Variants in FHOD3 observed in about 807,000 individuals in gnomAD.
The protein encoded by FHOD3 is FH1/FH2 domain-containing protein 3.
Under a neutral mutation model 173.0 loss-of-function variants are expected in FHOD3, and 90 were observed. The ratio of observed to expected loss-of-function variants is 0.52; its 90% confidence interval spans 0.44 to 0.62. FHOD3 has a LOEUF of 0.62. FHOD3 is among the 20% of genes least tolerant of loss of function. FHOD3 has a pLI of 0.00. For missense variants in FHOD3, 1,945 were observed against 2,034.7 expected (o/e 0.96, Z 0.85); for synonymous variants, 828 against 823.0 (o/e 1.01, Z -0.10).
At chr18:36,318,271 T>C (rs2044226469) in intron 1 of FHOD3, among the ~76,000 whole-genome samples, 1 of 152,234 alleles carries the variant, frequency 6.6e-6, no homozygotes, top group Non-Finnish European at 1.5e-5. Context: ...AGAAAGTCCT[T>C]GGTAGCTTGA....
At chr18:36,333,686 C>T (rs1211129573) in intron 1 of FHOD3, among the ~76,000 whole-genome samples, 1 of 152,190 alleles carries the variant, frequency 6.6e-6, no homozygotes, top group African/African-American at 2.4e-5. Flanking sequence ...TCAGTGGCAC[C>T]TGGGTACTTA....
chr18:36,417,630 T>C (rs2147010054), intron 3 of FHOD3, among the ~76,000 whole-genome samples: 1 of 152,354 alleles, frequency 6.6e-6, no homozygotes, highest in East Asian at 1.9e-4. Flanking sequence ...TATATATATG[T>C]GGCTTTATTT....
intron 3 of FHOD3, among the ~76,000 whole-genome samples, chr18:36,403,819 G>A (rs2048935023): frequency 6.6e-6 from 1 of 152,176 alleles, no homozygotes; most frequent in Non-Finnish European, 1.5e-5. Context: ...AGCCCAGTGG[G>A]ATCTGACTTG....
intron 19 of FHOD3, among the ~76,000 whole-genome samples, chr18:36,727,465 C>A (rs1282506281): frequency 3.3e-5 from 5 of 152,138 alleles, no homozygotes; most frequent in Non-Finnish European, 5.9e-5. Context: ...TGAAGAACAG[C>A]ACTTAAAGCA....
intron 23 of FHOD3, among the ~76,000 whole-genome samples, chr18:36,745,791 C>T (rs866669427): frequency 1.3e-5 from 2 of 149,470 alleles, no homozygotes; most frequent in Non-Finnish European, 3.0e-5. Context: ...ATCCCCCCAC[C>T]TGCACCCTCC....
At chr18:36,589,429 C>T (rs2059138273) in intron 6 of FHOD3, among the ~76,000 whole-genome samples, 5 of 152,156 alleles carry the variant, frequency 3.3e-5, no homozygotes, top group African/African-American at 1.2e-4. Context: ...GTGAACAGGA[C>T]CCCAAAAGCC....
At chr18:36,500,458 C>T (rs191296328) in intron 3 of FHOD3, among the ~76,000 whole-genome samples, 1 of 152,246 alleles carries the variant, frequency 6.6e-6, no homozygotes, top group Non-Finnish European at 1.5e-5. Context: ...GTGGCTCTGC[C>T]CTGTATCCCT....
At chr18:36,670,589 A>C (rs2037468359) in intron 14 of FHOD3, among the ~76,000 whole-genome samples, 1 of 152,200 alleles carries the variant, frequency 6.6e-6, no homozygotes, top group Non-Finnish European at 1.5e-5. Flanking sequence ...CTTCTTGAAT[A>C]TGTGGACTAT....
intron 1 of FHOD3, among the ~76,000 whole-genome samples, chr18:36,336,001 A>T (rs2045288713): frequency 6.6e-6 from 1 of 152,136 alleles, no homozygotes; most frequent in South Asian, 2.1e-4. Context: ...ACCTTTTAGG[A>T]CATACAACGT....
intron 3 of FHOD3, among the ~76,000 whole-genome samples, chr18:36,482,858 C>CAGAGAGAGAGAGAG (rs138052316): frequency 9.2e-5 from 12 of 130,456 alleles, no homozygotes; most frequent in African/African-American, 3.4e-4. Flanking sequence ...CACACACACA[C>CAGAGAGAGAGAGAG]AGAGAGAGAG....
intron 3 of FHOD3, among the ~76,000 whole-genome samples, chr18:36,395,042 G>C (rs1317290602): frequency 6.6e-6 from 1 of 152,048 alleles, no homozygotes; most frequent in Non-Finnish European, 1.5e-5. Context: ...ACACAAGAGT[G>C]GATAGAATTA....
intron 16 of FHOD3, among the ~76,000 whole-genome samples, chr18:36,687,754 A>G (rs917260416): frequency 6.6e-6 from 1 of 152,236 alleles, no homozygotes; most frequent in East Asian, 1.9e-4. Flanking sequence ...AAATGAGTAA[A>G]TGAACCAACA....
chr18:36,772,962 G>T (rs958096913), intron 28 of FHOD3, among the ~76,000 whole-genome samples: 1 of 152,320 alleles, frequency 6.6e-6, no homozygotes, highest in Non-Finnish European at 1.5e-5. Context: ...CAAGACACAG[G>T]ACAAGAGGAT....
chr18:36,607,213 T>C (rs143312940), intron 8 of FHOD3, among the ~76,000 whole-genome samples: 102 of 152,324 alleles, frequency 6.7e-4, no homozygotes, highest in African/African-American at 2.3e-3. Context: ...AGATCTAGGT[T>C]GAGGTCACCA....
chr18:36,411,488 G>T (rs1682850551), intron 3 of FHOD3, among the ~76,000 whole-genome samples: 1 of 152,080 alleles, frequency 6.6e-6, no homozygotes, highest in Admixed American at 6.5e-5. Context: ...TTGAATTCTG[G>T]CTCTTAAGAC....
intron 8 of FHOD3, among the ~76,000 whole-genome samples, chr18:36,604,903 GA>G (rs1223574633): frequency 1.3e-5 from 2 of 152,114 alleles, no homozygotes; most frequent in African/African-American, 4.8e-5. Context: ...GAATTCAGTA[GA>G]AAAATGAAAG....
intron 3 of FHOD3, among the ~76,000 whole-genome samples, chr18:36,476,248 T>C (rs2053568853): frequency 6.6e-6 from 1 of 152,196 alleles, no homozygotes; most frequent in South Asian, 2.1e-4. Context: ...CGCTGGGTGC[T>C]GCTGTAAGGA....
At chr18:36,588,433 G>A (rs565859386) in intron 6 of FHOD3, among the ~76,000 whole-genome samples, 7 of 152,202 alleles carry the variant, frequency 4.6e-5, no homozygotes, top group Admixed American at 2.0e-4. Context: ...TACCACTTTC[G>A]AATTCAGTTT....
intron 14 of FHOD3, among the ~76,000 whole-genome samples, chr18:36,668,245 T>G (rs2037308905): frequency 6.6e-6 from 1 of 152,176 alleles, no homozygotes; most frequent in Non-Finnish European, 1.5e-5. Flanking sequence ...TGAGTGAGTT[T>G]TAGTAGATTT....
Sources: gnomAD v4.1 joint callset for allele counts (sites outside exome capture counted in the v4.1 genomes callset) on GRCh38, gnomAD v4.1.1 for gene constraint, MANE v1.5 for transcripts, NCBI Gene and HGNC (gene_info 2026-07-23, HGNC 2026-07-21) for gene names.